SHISA6: variants seen among roughly 807,000 people sequenced by gnomAD.
SHISA6 encodes shisa family member 6.
Under a neutral mutation model 47.9 loss-of-function variants are expected in SHISA6, and 22 were observed. The observed-to-expected ratio is 0.46, with a 90% confidence interval of 0.33 to 0.66. The LOEUF (loss-of-function observed/expected upper bound fraction) is 0.66, where lower values mean the gene tolerates loss of function less well. Ranked by LOEUF, SHISA6 falls within the 30% of genes least tolerant of loss-of-function variation. SHISA6 has a pLI of 0.02. For missense variants in SHISA6, 680 were observed against 764.6 expected (o/e 0.89, Z 1.30); for synonymous variants, 388 against 337.8 (o/e 1.15, Z -1.63).
At chr17:11,442,096 A>G (rs1008805358) in intron 3 of SHISA6, among the ~76,000 whole-genome samples, 5 of 152,138 alleles carry the variant, frequency 3.3e-5, no homozygotes, top group Admixed American at 2.6e-4. Flanking sequence ...CTTCACTGTC[A>G]TCAGCCTCAC....
Position 11,558,110 on chromosome 17 carries a change from G to T in SHISA6, c.1462G>T (p.Asp488Tyr). ...TDVFVSTPVL[D>Y]RYRMSKMHSH... ...CGTCTTTGTGTCCACACCCGTGCTGGACCGCTACCGCATGAGCAAGATGCA... is the reference window on the plus strand; with the variant it reads ...CGTCTTTGTGTCCACACCCGTGCTGTACCGCTACCGCATGAGCAAGATGCA... The change falls in exon 6 of 6, where the codon GAC becomes TAC. Residue 488 changes from aspartate to tyrosine, a missense_variant. By Grantham distance (160) the Asp-to-Tyr change is radical (BLOSUM62 -3). This residue lies in a region of SHISA6 where 559 missense variants were observed against 674.1 expected (regional missense o/e 0.83). Transcript: ENST00000441885. 6.4e-7 allele frequency: 1 copy of T among 1,551,470 alleles called. No homozygotes were observed.
At chr17:11,459,159 C>T (rs1379510353) in intron 3 of SHISA6, among the ~76,000 whole-genome samples, 2 of 147,190 alleles carry the variant, frequency 1.4e-5, no homozygotes, top group Non-Finnish European at 3.0e-5. Context: ...GTGGAGCTTG[C>T]AGTGAGCCAA....
chr17:11,377,190 G>C (rs187184647), intron 2 of SHISA6, among the ~76,000 whole-genome samples: 3,573 of 152,188 alleles, frequency 0.023, 107 homozygotes, highest in African/African-American at 0.068. Context: ...TGCTCTTGGT[G>C]CTGCCTCATT....
At chr17:11,514,189 C>T (rs953964776) in intron 3 of SHISA6, among the ~76,000 whole-genome samples, 2 of 152,172 alleles carry the variant, frequency 1.3e-5, no homozygotes, top group South Asian at 2.1e-4. Flanking sequence ...AGGCAGAACA[C>T]CATCTAGCTT....
At chr17:11,423,180 C>T (rs1914496302) in intron 3 of SHISA6, among the ~76,000 whole-genome samples, 2 of 148,554 alleles carry the variant, frequency 1.3e-5, no homozygotes, top group African/African-American at 2.5e-5. Context: ...AAACAAGAAC[C>T]CTAAAAGGAT....
At chr17:11,453,654 T>C (rs962134690) in intron 3 of SHISA6, among the ~76,000 whole-genome samples, 2 of 152,240 alleles carry the variant, frequency 1.3e-5, no homozygotes, top group African/African-American at 2.4e-5. Context: ...ATTTTTGAAA[T>C]TTATTTTTAA....
At chr17:11,556,010 G>A (rs1177486397) in intron 5 of SHISA6, 118 bp downstream of exon 5, 1 of 1,256,762 alleles carries the variant, frequency 8.0e-7, no homozygotes, top group Admixed American at 3.5e-5. Flanking sequence ...GAATAAAGAA[G>A]GAGTTGCAGG....
At chr17:11,464,479 C>G (rs928875285) in intron 3 of SHISA6, among the ~76,000 whole-genome samples, 1 of 152,114 alleles carries the variant, frequency 6.6e-6, no homozygotes, top group Non-Finnish European at 1.5e-5. Context: ...TGAAACTGGC[C>G]ACCTCTGCCT....
At chr17:11,542,642 C>T (rs753270140) in intron 3 of SHISA6, among the ~76,000 whole-genome samples, 2 of 151,912 alleles carry the variant, frequency 1.3e-5, no homozygotes, top group African/African-American at 4.8e-5. Context: ...TCTTTTACCC[C>T]GAGATAAAGG....
Position 11,508,947 on chromosome 17 carries a change from CAG to C in SHISA6, c.896-42948_896-42947del, listed in dbSNP as rs2071521718. Among the ~76,000 whole-genome samples, 2 of 88,724 alleles carry C rather than the reference CAG, an allele frequency of 2.3e-5. 1 individual carries two copies. The highest frequency in any genetic ancestry group is 8.6e-4 in the South Asian group (2 of 2,316). The allele number at this position is 88,724 out of a possible 152,430, so 58.2% of individuals were successfully genotyped here. ...AGAGGAACATGGCACACACTTGAGA[CAG>C]GGGGTCAGAGAAACCCTCCTGAGGA... On this transcript the variant is annotated intron_variant, in intron 3 of 5. Coordinates refer to ENST00000441885, the MANE Select transcript of SHISA6 (RefSeq NM_207386.4).
chr17:11,495,976 T>C (rs2071404029), intron 3 of SHISA6, among the ~76,000 whole-genome samples: 1 of 148,680 alleles, frequency 6.7e-6, no homozygotes, highest in Non-Finnish European at 1.5e-5. Flanking sequence ...GTCTGGCCCA[T>C]CCTTCTATTT....
At chr17:11,378,073 A>G (rs910119608) in intron 2 of SHISA6, among the ~76,000 whole-genome samples, 1 of 152,304 alleles carries the variant, frequency 6.6e-6, no homozygotes, top group Admixed American at 6.5e-5. Context: ...CTCTGATTCC[A>G]GCACGCACCC....
chr17:11,533,944 T>C (rs1597573632), intron 3 of SHISA6, among the ~76,000 whole-genome samples: 1 of 150,198 alleles, frequency 6.7e-6, no homozygotes, highest in African/African-American at 2.5e-5. Flanking sequence ...CTCTCTGCAA[T>C]TACACAGACT....
chr17:11,256,075 A>G (rs547229553), intron 1 of SHISA6, among the ~76,000 whole-genome samples: 1 of 152,350 alleles, frequency 6.6e-6, no homozygotes, highest in African/African-American at 2.4e-5. Context: ...CTTGCTAACA[A>G]CCGCCAAGTG....
intron 1 of SHISA6, among the ~76,000 whole-genome samples, chr17:11,247,775 CT>C (rs1248779153): frequency 1.1e-3 from 151 of 134,502 alleles, no homozygotes; most frequent in Middle Eastern, 3.8e-3. Flanking sequence ...TGGCGTCTTT[CT>C]TTTTTTTTTT....
At chr17:11,468,074 A>C (rs958236690) in intron 3 of SHISA6, among the ~76,000 whole-genome samples, 3 of 152,006 alleles carry the variant, frequency 2.0e-5, no homozygotes, top group Non-Finnish European at 4.4e-5. Context: ...TAATTCAACA[A>C]CTTCAGGGAG....
At chr17:11,308,587 C>T (rs555647598) in intron 2 of SHISA6, among the ~76,000 whole-genome samples, 1 of 152,276 alleles carries the variant, frequency 6.6e-6, no homozygotes, top group South Asian at 2.1e-4. Context: ...CGGCTACGTT[C>T]GCTAAGCCCT....
intron 3 of SHISA6, among the ~76,000 whole-genome samples, chr17:11,517,899 A>G (rs1396485197): frequency 6.6e-6 from 1 of 151,898 alleles, no homozygotes; most frequent in Non-Finnish European, 1.5e-5. Context: ...ATGGCCACTC[A>G]TTTGTAGGGT....
At chr17:11,257,787 A>T (rs554043677) in intron 1 of SHISA6, among the ~76,000 whole-genome samples, 1 of 152,248 alleles carries the variant, frequency 6.6e-6, no homozygotes, top group Admixed American at 6.5e-5. Context: ...GGAATAAAGT[A>T]TCTACATTCT....
Sources: allele counts gnomAD v4.1 joint callset (sites outside exome capture counted in the v4.1 genomes callset), GRCh38; gene constraint gnomAD v4.1.1; regional missense constraint gnomAD v4.1.1; transcripts MANE v1.5; gene names NCBI Gene and HGNC (gene_info 2026-07-23, HGNC 2026-07-21).